Variants in SH3BGR observed in about 807,000 individuals in gnomAD.
SH3BGR encodes SH3 domain-binding glutamic acid-rich protein.
In SH3BGR, 29 loss-of-function variants were observed where a neutral mutation model predicts 24.5. The ratio of observed to expected loss-of-function variants is 1.18; its 90% CI spans 0.88 to 1.61. The LOEUF (loss-of-function observed/expected upper bound fraction) is 1.61, where lower values mean the gene tolerates loss of function less well. Among genes scored for constraint, SH3BGR ranks in the 40% most tolerant of loss-of-function variants. The pLI, the probability that SH3BGR is intolerant of heterozygous loss-of-function variation, is 0.00. For synonymous variants in SH3BGR, 55 were observed against 65.7 expected (o/e 0.84, Z 0.79); for missense variants, 162 against 205.8 (o/e 0.79, Z 1.30).
intron 3 of SH3BGR, among the ~76,000 whole-genome samples, chr21:39,495,017 T>G (rs2078369337): frequency 6.6e-6 from 1 of 152,190 alleles, no homozygotes; most frequent in South Asian, 2.1e-4. Context: ...ATATATTGTA[T>G]TTTTCAATTC....
At chr21:39,509,169 A>T (rs78873181) in intron 5 of SH3BGR, 142 bp downstream of exon 5, 1 of 615,120 alleles carries the variant, frequency 1.6e-6, no homozygotes, top group Non-Finnish European at 2.8e-6. Flanking sequence ...CTCCTTTAAC[A>T]TGCTGAGAAG....
Position 39,515,076 on chromosome 21 carries a change from C to G in SH3BGR, c.*35-12C>G. 1 of 468,850 alleles carries G rather than the reference C, an allele frequency of 2.1e-6. No individual in the cohort carries two copies. The highest frequency in any genetic ancestry group is 1.6e-5 in the South Asian group (1 of 63,768). The allele number at this position is 468,850 out of a possible 1,614,324, so 29.0% of individuals were successfully genotyped here. A position where few individuals can be genotyped will look rare whatever the true frequency, so the allele number is the denominator to read the frequency against. On this transcript the variant is annotated splice_polypyrimidine_tract_variant and intron_variant, in intron 6 of 6. Transcript: ENST00000333634. ...TCTACAGTCTTTCCCTAATATTTGC[C>G]TTTTCTTTTAGAAAATGGAAGCTAT... is the stretch of plus-strand genomic sequence containing the variant.
At chr21:39,451,930 A>G, upstream of SH3BGR, 1 of 1,614,050 alleles carries the variant, frequency 6.2e-7, no homozygotes, top group Non-Finnish European at 8.5e-7. Flanking sequence ...CTCCTTGGAG[A>G]GACAGAGCCT....
At position 39,509,944 on chromosome 21, in the gene SH3BGR, A is replaced by C. The variant is rs201684798; in HGVS notation, c.435+917A>C. 4.0e-5 allele frequency among the ~76,000 whole-genome samples: 6 copies of C among 149,548 alleles called. No individual in the cohort carries two copies. The East Asian group carries it at 1.2e-3, about 29-fold the overall frequency. On this transcript the variant is annotated intron_variant, in intron 5 of 6. Transcript: ENST00000333634. ...AAATCCCCCCAAAGAAACTTTTGTT[A>C]ACTTTTTTTTTTTTTTGAGACGGAG...
At chr21:39,501,730 A>G (rs532206232) in intron 4 of SH3BGR, among the ~76,000 whole-genome samples, 1 of 152,362 alleles carries the variant, frequency 6.6e-6, no homozygotes, top group East Asian at 1.9e-4. Flanking sequence ...ATGTTGTAAA[A>G]ACATGATTAA....
intron 6 of SH3BGR, among the ~76,000 whole-genome samples, chr21:39,514,404 T>C (rs1172404424): frequency 6.6e-6 from 1 of 152,176 alleles, no homozygotes; most frequent in African/African-American, 2.4e-5. Flanking sequence ...TCTCACTCTG[T>C]CACCCAGGCT....
intron 3 of SH3BGR, among the ~76,000 whole-genome samples, chr21:39,499,379 A>G (rs1396500125): frequency 1.3e-5 from 2 of 151,666 alleles, no homozygotes; most frequent in African/African-American, 4.8e-5. Flanking sequence ...CTATCCATCC[A>G]TCCATCTCTC....
chr21:39,513,914 A>G (rs971032188), intron 6 of SH3BGR, among the ~76,000 whole-genome samples: 1 of 152,166 alleles, frequency 6.6e-6, no homozygotes, highest in African/African-American at 2.4e-5. Flanking sequence ...TGGATGTGAA[A>G]TGGCACAGCC....
intron 3 of SH3BGR, among the ~76,000 whole-genome samples, chr21:39,477,085 A>C (rs1352774442): frequency 6.6e-6 from 1 of 151,572 alleles, no homozygotes; most frequent in Non-Finnish European, 1.5e-5. Context: ...TTATTTTTTC[A>C]TGTGGCTATA....
At chr21:39,454,089 A>G (rs8127431) in intron 1 of SH3BGR, among the ~76,000 whole-genome samples, 131,429 of 152,154 alleles carry the variant, frequency 0.86, 56,947 homozygotes, top group Non-Finnish European at 0.9. Flanking sequence ...CACATACATG[A>G]GAGAATTTCT....
At chr21:39,459,784 T>TCA (rs999881537) in intron 1 of SH3BGR, among the ~76,000 whole-genome samples, 8 of 151,884 alleles carry the variant, frequency 5.3e-5, no homozygotes, top group Non-Finnish European at 1.2e-4. Flanking sequence ...GGCTGGCTGG[T>TCA]CTTGACCTCC....
chr21:39,477,983 C>CT (rs957073713), intron 3 of SH3BGR, among the ~76,000 whole-genome samples: 27 of 151,344 alleles, frequency 1.8e-4, no homozygotes, highest in African/African-American at 6.1e-4. Context: ...TCATTGAATA[C>CT]TTTTTTTTTG....
In SH3BGR at chr21:39,511,592, C is replaced by A. The variant is rs938869183; in HGVS notation, c.436-88C>A. On this transcript the variant is annotated intron_variant, in intron 5 of 6. Coordinates refer to ENST00000333634, the MANE Select transcript of SH3BGR (RefSeq NM_007341.3). The surrounding 1 kb of genome is among the most constrained non-coding windows in gnomAD (Gnocchi z 4.2). ...TGTGGTGGGGTGTGGGAGGCTTTGA[C>A]CTCTAGTCCAGCATTTTACAGTCTT... The A allele has an allele frequency of 1.5e-6, 2 of 1,360,710 alleles. No individual in the cohort carries two copies. Among genetic ancestry groups the A allele is most frequent in the Non-Finnish European group, 2.0e-6 (2 of 985,368 alleles). 84.3% of individuals were successfully genotyped at this position (1,360,710 alleles called of 1,614,324 possible). A position where few individuals can be genotyped will look rare whatever the true frequency, so the allele number is the denominator to read the frequency against.
intron 4 of SH3BGR, among the ~76,000 whole-genome samples, chr21:39,508,158 C>A (rs112926372): frequency 6.6e-6 from 1 of 152,096 alleles, no homozygotes; most frequent in Non-Finnish European, 1.5e-5. Context: ...CAGTGCCCCC[C>A]GTCCATGATT....
At chr21:39,505,644 A>G (rs1215621697) in intron 4 of SH3BGR, among the ~76,000 whole-genome samples, 1 of 152,168 alleles carries the variant, frequency 6.6e-6, no homozygotes, top group South Asian at 2.1e-4. Context: ...GGGTGCCTGT[A>G]ATCCCAGCTC....
At chr21:39,463,314 C>T (rs2077786590) in intron 2 of SH3BGR, among the ~76,000 whole-genome samples, 1 of 152,230 alleles carries the variant, frequency 6.6e-6, no homozygotes, top group African/African-American at 2.4e-5. Context: ...TTGTTTTATA[C>T]ATTTGATAGT....
intron 3 of SH3BGR, among the ~76,000 whole-genome samples, chr21:39,490,770 A>G (rs930038310): frequency 1.4e-5 from 2 of 146,494 alleles, no homozygotes; most frequent in African/African-American, 5.1e-5. Context: ...ACAGTCTCAC[A>G]CTGTCTGGAG....
At chr21:39,504,077 C>T (rs2078542095) in intron 4 of SH3BGR, among the ~76,000 whole-genome samples, 4 of 152,204 alleles carry the variant, frequency 2.6e-5, no homozygotes, top group Non-Finnish European at 5.9e-5. Context: ...GCACCTTGTG[C>T]AGGTTTGGTT....
intron 3 of SH3BGR, among the ~76,000 whole-genome samples, chr21:39,492,443 GGTGTGTGTGT>G (rs1164205385): frequency 7.3e-6 from 1 of 136,554 alleles, no homozygotes; most frequent in Non-Finnish European, 1.6e-5. Context: ...AGTTTCCCTT[GGTGTGTGTGT>G]GTGTGTGTGT....
Sources: allele counts gnomAD v4.1 joint callset (sites outside exome capture counted in the v4.1 genomes callset), GRCh38; gene constraint gnomAD v4.1.1; non-coding constraint Gnocchi (gnomAD v3.1); transcripts MANE v1.5; gene names NCBI Gene and HGNC (gene_info 2026-07-23, HGNC 2026-07-21).